The following CDH23 variants were observed in gnomAD, a reference collection of about 807,000 sequenced individuals.
CDH23 encodes cadherin related 23, also known as cadherin-23.
Under a neutral mutation model 317.1 loss-of-function variants are expected in CDH23, and 189 were observed. The ratio of observed to expected loss-of-function variants is 0.60; its 90% CI spans 0.53 to 0.67. The LOEUF is 0.67. Ranked by LOEUF, CDH23 falls within the 30% of genes least tolerant of loss-of-function variation. CDH23 has a pLI of 0.00. For synonymous variants in CDH23, 1,839 were observed against 1,876.8 expected (o/e 0.98, Z 0.52); for missense variants, 4,401 against 4,592.4 (o/e 0.96, Z 1.20).
intron 38 of CDH23, chr10:71,761,919 G>A (rs780506257): frequency 2.7e-5 from 43 of 1,613,956 alleles, no homozygotes; most frequent in Non-Finnish European, 3.6e-5. Flanking sequence ...GTCACATCGT[G>A]CCCTTTGTCC....
chr10:71,773,317 C>T (rs755277988), intron 38 of CDH23: 2 of 1,563,950 alleles, frequency 1.3e-6, no homozygotes, highest in Non-Finnish European at 8.7e-7. Flanking sequence ...CTGCTGTCTT[C>T]TCCCAGCTTT....
At chr10:71,420,211 T>C (rs1848690569) in intron 1 of CDH23, among the ~76,000 whole-genome samples, 3 of 152,126 alleles carry the variant, frequency 2.0e-5, no homozygotes, top group Admixed American at 2.0e-4. Context: ...TCTTTTTTTT[T>C]CACTTTTATT....
intron 23 of CDH23, 106 bp from the exon 24 acceptor site, chr10:71,702,443 A>T: frequency 7.0e-7 from 1 of 1,422,396 alleles, no homozygotes; most frequent in Non-Finnish European, 9.8e-7. Context: ...TTTGGGATGG[A>T]GGGCTCTGAA....
At chr10:71,468,704 A>G (rs1052741777) in intron 3 of CDH23, among the ~76,000 whole-genome samples, 2 of 152,166 alleles carry the variant, frequency 1.3e-5, no homozygotes, top group African/African-American at 2.4e-5. Flanking sequence ...CACGATTCCT[A>G]TACCCTCCCT....
chr10:71,694,819 C>A (rs535330307), intron 21 of CDH23, among the ~76,000 whole-genome samples: 1 of 152,296 alleles, frequency 6.6e-6, no homozygotes, highest in Admixed American at 6.5e-5. Flanking sequence ...CCAGCCACCT[C>A]CCCTCTTTGT....
rs1866031570 is a variant in CDH23 at position 71,712,799 on chromosome 10, C to T, written c.3355C>T (p.His1119Tyr). ...CGTCCCTGAGGACATCCCTGAAGGCCACAGCATCTTGCAGGCAGGTGGCCC... is the reference window on the plus strand; with the variant it reads ...CGTCCCTGAGGACATCCCTGAAGGCTACAGCATCTTGCAGGCAGGTGGCCC... ...ASVPEDIPEGHSILQLKATDA... is the reference protein window; with the variant it reads ...ASVPEDIPEGYSILQLKATDA... Residue 1119 changes from histidine (H) to tyrosine (Y), a missense_variant, in exon 28 of 70, where the codon CAC becomes TAC. This residue lies in a region of CDH23 where 3,068 missense variants were observed against 3,203.3 expected (regional missense o/e 0.96). Coordinates refer to ENST00000224721, the MANE Select transcript of CDH23 (RefSeq NM_022124.6). 1.2e-6 allele frequency: 2 copies of T among 1,612,292 alleles called. No homozygotes were observed. The highest frequency in any genetic ancestry group is 1.3e-5 in the African/African-American group (1 of 74,930).
intron 1 of CDH23, among the ~76,000 whole-genome samples, chr10:71,439,298 T>C (rs945743205): frequency 6.6e-6 from 1 of 151,108 alleles, no homozygotes; most frequent in Non-Finnish European, 1.5e-5. Flanking sequence ...ATATAAAAAA[T>C]AAAAAAAAAC....
At chr10:71,502,506 G>A (rs376673191) in intron 3 of CDH23, among the ~76,000 whole-genome samples, 2 of 152,206 alleles carry the variant, frequency 1.3e-5, no homozygotes, top group African/African-American at 2.4e-5. Context: ...TTTGCCAAGC[G>A]TGTCCCAGAA....
chr10:71,503,899 A>G (rs1184176493), intron 3 of CDH23, among the ~76,000 whole-genome samples: 15 of 152,282 alleles, frequency 9.9e-5, no homozygotes, highest in Admixed American at 9.2e-4. Flanking sequence ...GGCAGCCACA[A>G]ACTTGTCCTG....
chr10:71,620,855 A>G (rs1861433223), intron 11 of CDH23, among the ~76,000 whole-genome samples: 1 of 152,218 alleles, frequency 6.6e-6, no homozygotes, highest in South Asian at 2.1e-4. Flanking sequence ...CACCGGGCTC[A>G]TTCCTCAATA....
chr10:71,479,100 C>T lies in CDH23; in HGVS notation c.146-30982C>T, dbSNP rs192621645. 4.3e-3 allele frequency among the ~76,000 whole-genome samples: 659 copies of T among 152,018 alleles called. 5 individuals are homozygous for T. Among genetic ancestry groups the T allele is most frequent in the African/African-American group, 0.015 (630 of 41,342 alleles). ...AGCCTTGAGAAACTAAATAATTGTC[C>T]CCATTATGTAAGATGAGGCTCAGAG... On this transcript the variant is annotated intron_variant, in intron 3 of 69. Transcript: ENST00000224721.
At position 71,738,796 on chromosome 10, in the gene CDH23, G is replaced by A. The variant is rs1376868663; in HGVS notation, c.4359+149G>A. 3.6e-6 allele frequency: 4 copies of A among 1,102,976 alleles called. 1 individual carries two copies. In the African/African-American group the frequency reaches 4.7e-5, roughly 13 times the overall value. 68.3% of individuals were successfully genotyped at this position (1,102,976 alleles called of 1,614,324 possible). On this transcript the variant is annotated intron_variant, in intron 35 of 69. Transcript: ENST00000224721. ...CTGCAATCACCCAGTCTGTGGTCAGGGAGAAGGGACAGAGCTGCCTCAGAG... is the reference window on the plus strand; with the variant it reads ...CTGCAATCACCCAGTCTGTGGTCAGAGAGAAGGGACAGAGCTGCCTCAGAG...
intron 3 of CDH23, among the ~76,000 whole-genome samples, chr10:71,505,149 T>C (rs923115903): frequency 6.6e-6 from 1 of 151,744 alleles, no homozygotes; most frequent in Non-Finnish European, 1.5e-5. Context: ...GAAACACAAG[T>C]AGGGAGTGAG....
Position 71,420,914 on chromosome 10 carries a change from C to A in CDH23, c.-5-18913C>A, listed in dbSNP as rs990743840. 4.6e-5 allele frequency among the ~76,000 whole-genome samples: 7 copies of A among 152,248 alleles called. No individual in the cohort carries two copies. In the East Asian group the frequency reaches 1.4e-3, roughly 30 times the overall value. On this transcript the variant is annotated intron_variant, in intron 1 of 69. Transcript: ENST00000224721. ...GCCTGGCTATAGTAACCTCACAGAG[C>A]AGCAGGCTGGCTGAGGAGGTGCTGA...
chr10:71,807,428 G>T, intron 58 of CDH23, 22 bp downstream of exon 58: 1 of 1,613,560 alleles, frequency 6.2e-7, no homozygotes, highest in Non-Finnish European at 8.5e-7. Context: ...CAGAGCTAGT[G>T]CCCTGATTAC....
chr10:71,789,341 G>A (rs533269209), intron 45 of CDH23, among the ~76,000 whole-genome samples: 32 of 152,278 alleles, frequency 2.1e-4, no homozygotes, highest in African/African-American at 5.8e-4. Flanking sequence ...GGACTACCCC[G>A]GAGGGGAGTG....
In CDH23 at chr10:71,789,020, G is replaced by C. The variant is rs758329598; in HGVS notation, c.5901G>C (p.Glu1967Asp). 2.3e-5 allele frequency: 37 copies of C among 1,587,826 alleles called. No homozygotes were observed. Among genetic ancestry groups the C allele is most frequent in the Non-Finnish European group, 3.2e-5 (37 of 1,156,156 alleles). The part of the protein sequence containing the change: ...PLFTKSTYQA[E>D]VMENSPAGTP... ...TCACTAAAAGCACCTACCAGGCAGA[G>C]GTGATGGAAAACTCTCCCGCTGGTA... The change falls in exon 45 of 70, where the codon GAG (glutamate) becomes GAC (aspartate). Residue 1967 changes from glutamate (E) to aspartate (D), a missense_variant. Around this residue, in one of 3 missense-constraint regions of CDH23, gnomAD observed 3,068 missense variants for 3,203.3 expected, o/e 0.96. Coordinates refer to ENST00000224721, the MANE Select transcript of CDH23 (RefSeq NM_022124.6).
At chr10:71,683,995 C>T (rs1270664225) in intron 18 of CDH23, among the ~76,000 whole-genome samples, 5 of 151,942 alleles carry the variant, frequency 3.3e-5, no homozygotes, top group Admixed American at 6.6e-5. Context: ...GCAGGAGAAT[C>T]GTTTGAACTC....
chr10:71,397,713 C>T lies in CDH23; in HGVS notation c.-6+395C>T, dbSNP rs919824223. 6.6e-6 allele frequency among the ~76,000 whole-genome samples: 1 copy of T among 152,034 alleles called. No individual in the cohort carries two copies. The highest frequency in any genetic ancestry group is 1.5e-5 in the Non-Finnish European group (1 of 67,996). ...AGAGTGGAGCGCGTTGGGATCCAAT[C>T]CCCTCCCCTTCTGAGCCCTGGGTCC... On this transcript the variant is annotated intron_variant, in intron 1 of 69. Transcript: ENST00000224721. The surrounding 1 kb of genome is among the most constrained non-coding windows in gnomAD (Gnocchi z 4.8).
Sources: allele counts gnomAD v4.1 joint callset (sites outside exome capture counted in the v4.1 genomes callset), GRCh38; gene constraint gnomAD v4.1.1; regional missense constraint gnomAD v4.1.1; non-coding constraint Gnocchi (gnomAD v3.1); transcripts MANE v1.5; gene names NCBI Gene and HGNC (gene_info 2026-07-23, HGNC 2026-07-21).